The following TEX2 variants were observed in gnomAD, a reference collection of about 807,000 sequenced individuals.
TEX2 encodes the protein testis expressed 2, also known as testis-expressed protein 2.
In TEX2, 53 loss-of-function variants were observed where a neutral mutation model predicts 106.9. The ratio of observed to expected loss-of-function variants is 0.50; its 90% CI spans 0.40 to 0.62. The LOEUF (loss-of-function observed/expected upper bound fraction) is 0.62, where lower values mean the gene tolerates loss of function less well. Among genes scored for constraint, TEX2 ranks in the 20% least tolerant of loss-of-function variants. The pLI, the probability that TEX2 is intolerant of heterozygous loss-of-function variation, is 0.00. For synonymous variants in TEX2, 523 were observed against 534.8 expected, an observed-to-expected ratio of 0.98 and a Z score of 0.30; for missense variants, 1,207 against 1,379.0, an observed-to-expected ratio of 0.88 and a Z score of 1.98.
At chr17:64,197,192 TTAA>T (rs1335012041) in intron 2 of TEX2, among the ~76,000 whole-genome samples, 1 of 151,990 alleles carries the variant, frequency 6.6e-6, no homozygotes, top group Non-Finnish European at 1.5e-5. Context: ...TTGTGTAGAA[TTAA>T]TAATATTTCT....
intron 7 of TEX2, among the ~76,000 whole-genome samples, chr17:64,164,637 T>C (rs1035828129): frequency 6.6e-6 from 1 of 152,124 alleles, no homozygotes; most frequent in Non-Finnish European, 1.5e-5. Context: ...AAAGCGTGTA[T>C]GCGTTCTTAA....
At chr17:64,253,471 G>T (rs1312334088) in intron 1 of TEX2, among the ~76,000 whole-genome samples, 2 of 151,904 alleles carry the variant, frequency 1.3e-5, no homozygotes, top group Admixed American at 1.3e-4. Flanking sequence ...GGCCATGATA[G>T]GAATTTTTTA....
At chr17:64,245,589 G>T (rs1474614503) in intron 1 of TEX2, among the ~76,000 whole-genome samples, 2 of 152,130 alleles carry the variant, frequency 1.3e-5, no homozygotes, top group African/African-American at 2.4e-5. Context: ...GTCAAGAAAA[G>T]CAGACATATT....
intron 2 of TEX2, 130 bp downstream of exon 2, chr17:64,212,444 T>A (rs752721636): frequency 1.3e-6 from 1 of 785,282 alleles, no homozygotes; most frequent in African/African-American, 1.7e-5. Flanking sequence ...GAGAATGAAG[T>A]GGCCCCAAGC....
intron 7 of TEX2, among the ~76,000 whole-genome samples, chr17:64,168,848 T>C (rs1976909): frequency 0.53 from 79,004 of 150,454 alleles, 22,622 homozygotes; most frequent in East Asian, 0.82. Flanking sequence ...GTAGCAGCTG[T>C]ACACTGATGG....
chr17:64,162,302 G>C (rs2143667221), intron 7 of TEX2, among the ~76,000 whole-genome samples: 1 of 152,206 alleles, frequency 6.6e-6, no homozygotes, highest in East Asian at 1.9e-4. Context: ...AATCACTTCA[G>C]GAGAAAGGGG....
chr17:64,167,664 T>C (rs901539457), intron 7 of TEX2, among the ~76,000 whole-genome samples: 4 of 151,890 alleles, frequency 2.6e-5, no homozygotes, highest in Admixed American at 6.6e-5. Flanking sequence ...ACTAAAAATA[T>C]AAAAATTAGC....
At chr17:64,255,351 T>C (rs1247168372) in intron 1 of TEX2, among the ~76,000 whole-genome samples, 1 of 152,222 alleles carries the variant, frequency 6.6e-6, no homozygotes, top group Non-Finnish European at 1.5e-5. Context: ...ACACCAGCCC[T>C]ATAATTATGC....
At chr17:64,259,933 TACATA>T (rs1419784055) in intron 1 of TEX2, among the ~76,000 whole-genome samples, 1 of 152,200 alleles carries the variant, frequency 6.6e-6, no homozygotes, top group Non-Finnish European at 1.5e-5. Flanking sequence ...ATGTTAACAT[TACATA>T]AATTACACTG....
chr17:64,219,130 A>C (rs1263170961), intron 1 of TEX2, among the ~76,000 whole-genome samples: 1 of 152,214 alleles, frequency 6.6e-6, no homozygotes, highest in Non-Finnish European at 1.5e-5. Flanking sequence ...AATAGAATAT[A>C]ACAGAAAAAT....
chr17:64,200,770 T>C (rs1170419937), intron 2 of TEX2, among the ~76,000 whole-genome samples: 1 of 152,214 alleles, frequency 6.6e-6, no homozygotes, highest in Non-Finnish European at 1.5e-5. Flanking sequence ...ATCTAGGAGA[T>C]GCTTTCCTTC....
intron 8 of TEX2, 83 bp from the exon 9 acceptor site, chr17:64,155,050 C>T: frequency 7.1e-6 from 10 of 1,408,358 alleles, no homozygotes; most frequent in Non-Finnish European, 9.3e-6. Context: ...CATGCACACA[C>T]ACTCAACCAC....
intron 6 of TEX2, among the ~76,000 whole-genome samples, chr17:64,172,204 T>A (rs1279684562): frequency 6.6e-6 from 1 of 151,798 alleles, no homozygotes; most frequent in East Asian, 1.9e-4. Context: ...ATACAAAAAA[T>A]TAGCCGGGTG....
At chr17:64,258,135 C>T (rs996370677) in intron 1 of TEX2, among the ~76,000 whole-genome samples, 9 of 152,120 alleles carry the variant, frequency 5.9e-5, no homozygotes, top group African/African-American at 2.2e-4. Flanking sequence ...TGGTCTGGAA[C>T]TCCTGAGCTC....
chr17:64,207,576 C>A (rs2032871755), intron 2 of TEX2, among the ~76,000 whole-genome samples: 1 of 152,160 alleles, frequency 6.6e-6, no homozygotes, highest in Non-Finnish European at 1.5e-5. Flanking sequence ...ATAAGTGGCT[C>A]TTTTGGCTTG....
chr17:64,230,286 G>A (rs531077566), intron 1 of TEX2, among the ~76,000 whole-genome samples: 10 of 152,070 alleles, frequency 6.6e-5, no homozygotes, highest in Non-Finnish European at 1.3e-4. Flanking sequence ...AAGGTGCCCC[G>A]CCAAGACAAA....
chr17:64,212,470 C>A (rs2033031861), intron 2 of TEX2, 104 bp downstream of exon 2: 5 of 1,086,428 alleles, frequency 4.6e-6, no homozygotes, highest in Non-Finnish European at 6.7e-6. Flanking sequence ...AAAAACACGG[C>A]CTGTGCAAAA....
At chr17:64,152,613 G>A (rs1299790477) in intron 10 of TEX2, among the ~76,000 whole-genome samples, 3 of 152,184 alleles carry the variant, frequency 2.0e-5, no homozygotes, top group South Asian at 2.1e-4. Flanking sequence ...GAATAAAGGC[G>A]CTATCTACAA....
chr17:64,207,741 C>CT (rs1427266888), intron 2 of TEX2, among the ~76,000 whole-genome samples: 1,599 of 143,398 alleles, frequency 0.011, 12 homozygotes, highest in Non-Finnish European at 0.015. Flanking sequence ...TTTTTTTTTT[C>CT]TTTTTTTTTT....
Sources: allele counts gnomAD v4.1 joint callset (sites outside exome capture counted in the v4.1 genomes callset), GRCh38; gene constraint gnomAD v4.1.1; transcripts MANE v1.5; gene names NCBI Gene and HGNC (gene_info 2026-07-23, HGNC 2026-07-21).